CPSF4L: variants seen among roughly 807,000 people sequenced by gnomAD.
CPSF4L encodes putative cleavage and polyadenylation specificity factor subunit 4-like protein.
A neutral mutation model predicts 24.0 loss-of-function variants in CPSF4L; 18 were observed. That is an observed-to-expected ratio of 0.75 (90% CI 0.52 to 1.11). CPSF4L has a LOEUF of 1.11. Among genes scored for constraint, CPSF4L ranks in the 50% least tolerant of loss-of-function variants. CPSF4L has a pLI of 0.00. For missense variants in CPSF4L, 211 were observed against 221.8 expected, an observed-to-expected ratio of 0.95 and a Z score of 0.31; for synonymous variants, 72 against 77.2, an observed-to-expected ratio of 0.93 and a Z score of 0.35.
rs1212230436 is a variant in CPSF4L at position 73,248,488 on chromosome 17, C to T, written c.*6G>A. 2 of 1,551,654 alleles carry T rather than the reference C, an allele frequency of 1.3e-6. No individual in the cohort carries two copies. The highest frequency in any genetic ancestry group is 2.0e-5 in the Admixed American group (1 of 50,994). On this transcript the variant is annotated 3_prime_UTR_variant, in exon 6 of 6. Coordinates refer to ENST00000344935, the MANE Select transcript of CPSF4L (RefSeq NM_001129885.1). ...TTGGAGTGCCCCGCTAGGTAAGAAG[C>T]AACGCTTAGATCTTGCTTCCAGGCA...
Position 73,260,798 on chromosome 17 carries a change from C to T in CPSF4L, c.154+135G>A, listed in dbSNP as rs546564177. The stretch of plus-strand genomic sequence containing the variant: ...AATAAATAAAATAAAAATAAAATTC[C>T]GTTCCATCCCAATTTTCCCTCCCCA... On this transcript the variant is annotated intron_variant, in intron 2 of 5. Coordinates refer to ENST00000344935, the MANE Select transcript of CPSF4L (RefSeq NM_001129885.1). 174 of 552,326 alleles carry T rather than the reference C, an allele frequency of 3.2e-4. 4 individuals carry two copies. The South Asian group carries it at 3.7e-3, about 12-fold the overall frequency. 34.2% of individuals were successfully genotyped at this position (552,326 alleles called of 1,614,324 possible).
Position 73,252,695 on chromosome 17 carries a change from G to A in CPSF4L, c.432C>T (p.Pro144=). The change falls in exon 5 of 6, where the codon CCC becomes CCT. Residue 144 remains proline, a synonymous_variant. Transcript: ENST00000344935. ...CTAAATAGTTGAGACACATTATTCT[G>A]GGGACATGGCGGTATTTACACAGAG... is the stretch of plus-strand genomic sequence containing the variant. ...DGPLCKYRHV[P]RIMCLNYLVG... 1 of 1,551,294 alleles carries A rather than the reference G, an allele frequency of 6.4e-7. No individual in the cohort carries two copies. The highest frequency in any genetic ancestry group is 8.7e-7 in the Non-Finnish European group (1 of 1,146,770).
upstream of CPSF4L, chr17:73,262,284 A>C (rs1389204879): frequency 6.5e-6 from 1 of 154,994 alleles, no homozygotes; most frequent in African/African-American, 2.4e-5. Context: ...TTGCAGAGGG[A>C]GGGAGCCGTC....
intron 5 of CPSF4L, among the ~76,000 whole-genome samples, chr17:73,250,786 C>G (rs1339973744): frequency 1.3e-5 from 2 of 152,198 alleles, no homozygotes; most frequent in Admixed American, 6.5e-5. Context: ...ATGACTGTTC[C>G]TTTTGCAGGA....
At chr17:73,253,612 A>G (rs1313468142) in intron 4 of CPSF4L, among the ~76,000 whole-genome samples, 1 of 152,222 alleles carries the variant, frequency 6.6e-6, no homozygotes, top group Non-Finnish European at 1.5e-5. Context: ...AAGAGAGCAC[A>G]CATGAACTAA....
intron 3 of CPSF4L, among the ~76,000 whole-genome samples, chr17:73,256,109 T>G (rs1333777992): frequency 6.6e-6 from 1 of 152,230 alleles, no homozygotes; most frequent in African/African-American, 2.4e-5. Flanking sequence ...ATTGGAGTTA[T>G]CTGGGGGCGG....
upstream of CPSF4L, among the ~76,000 whole-genome samples, chr17:73,263,653 TG>T (rs1320021395): frequency 2.2e-5 from 3 of 133,552 alleles, no homozygotes; most frequent in Non-Finnish European, 4.7e-5. Flanking sequence ...GACCCAACTC[TG>T]GGGGGCCTGC....
downstream of CPSF4L, chr17:73,244,792 G>A (rs535934263): frequency 1.2e-5 from 2 of 170,830 alleles, no homozygotes; most frequent in South Asian, 3.2e-4. Context: ...CCGACAGCAG[G>A]AACAAGGCGG....
intron 4 of CPSF4L, 65 bp from the exon 5 acceptor site, chr17:73,252,788 A>G: frequency 8.8e-7 from 1 of 1,132,266 alleles, no homozygotes; most frequent in South Asian, 1.5e-5. Context: ...CACACATGAA[A>G]AAGCTCCCTA....
At chr17:73,250,424 G>A (rs1019179912) in intron 5 of CPSF4L, 2 of 1,325,212 alleles carry the variant, frequency 1.5e-6, no homozygotes, top group Non-Finnish European at 1.0e-6. Context: ...CTGCTTGTTG[G>A]TGAAGCTTAT....
At chr17:73,243,088 T>TG in the CPSF4L span, 438,257 of 993,544 alleles carry the variant, frequency 0.44, 70,668 homozygotes, top group East Asian at 0.5. Context: ...TTTTTTTTTT[T>TG]TTTTTTTTTT....
the CPSF4L span, chr17:73,243,025 G>T: frequency 6.3e-7 from 1 of 1,578,466 alleles, no homozygotes; most frequent in Non-Finnish European, 8.7e-7. Flanking sequence ...TATATTTCTA[G>T]CCTAAATAAC....
At chr17:73,244,237 A>C (rs978902066), downstream of CPSF4L, among the ~76,000 whole-genome samples, 2 of 152,110 alleles carry the variant, frequency 1.3e-5, no homozygotes, top group Admixed American at 1.3e-4. Context: ...TGTATAATTA[A>C]ATTTTTGTGC....
chr17:73,252,217 G>C (rs140175857), intron 5 of CPSF4L, among the ~76,000 whole-genome samples: 1 of 152,160 alleles, frequency 6.6e-6, no homozygotes, highest in Non-Finnish European at 1.5e-5. Flanking sequence ...AGAGAGAGAC[G>C]ATTACAGCCC....
At chr17:73,252,567 C>G in intron 5 of CPSF4L, 63 bp downstream of exon 5, 1 of 1,008,038 alleles carries the variant, frequency 9.9e-7, no homozygotes, top group East Asian at 2.6e-5. Context: ...ATGGAAAGAT[C>G]TAGAACTAGA....
At chr17:73,257,556 G>T (rs2062028410) in intron 3 of CPSF4L, 125 bp downstream of exon 3, 4 of 953,938 alleles carry the variant, frequency 4.2e-6, no homozygotes, top group Non-Finnish European at 6.2e-6. Context: ...ACTCAGACAG[G>T]TCTCTCTGGC....
chr17:73,252,300 C>G (rs1175594349), intron 5 of CPSF4L, among the ~76,000 whole-genome samples: 1 of 152,208 alleles, frequency 6.6e-6, no homozygotes, highest in East Asian at 1.9e-4. Context: ...TATTTCAGAA[C>G]CCTGTAGGGA....
intron 2 of CPSF4L, among the ~76,000 whole-genome samples, chr17:73,259,230 G>C (rs934773259): frequency 1.3e-5 from 2 of 152,074 alleles, no homozygotes; most frequent in Non-Finnish European, 2.9e-5. Context: ...TGTAGAGACA[G>C]GGCTTTGCCA....
intron 3 of CPSF4L, among the ~76,000 whole-genome samples, chr17:73,255,802 C>T (rs2062022940): frequency 6.6e-6 from 1 of 151,800 alleles, no homozygotes; most frequent in Non-Finnish European, 1.5e-5. Context: ...AACAGAAAGT[C>T]ATCTACACTG....
Sources: gnomAD v4.1 joint callset for allele counts (sites outside exome capture counted in the v4.1 genomes callset) on GRCh38, gnomAD v4.1.1 for gene constraint, MANE v1.5 for transcripts, NCBI Gene and HGNC (gene_info 2026-07-23, HGNC 2026-07-21) for gene names.